The following SLCO5A1 variants were observed in gnomAD, a reference collection of about 807,000 sequenced individuals.
The protein encoded by SLCO5A1 is organic anion transporter polypeptide-related protein 4.
In SLCO5A1, 39 loss-of-function variants were observed where a neutral mutation model predicts 65.1. The ratio of observed to expected loss-of-function variants is 0.60; its 90% confidence interval spans 0.46 to 0.78. SLCO5A1 has a LOEUF of 0.78. SLCO5A1 is among the 30% of genes least tolerant of loss of function. The pLI is 0.00. For synonymous variants in SLCO5A1, 438 were observed against 415.7 expected (o/e 1.05, Z -0.65); for missense variants, 1,029 against 1,069.4 (o/e 0.96, Z 0.53).
intron 2 of SLCO5A1, among the ~76,000 whole-genome samples, chr8:69,830,344 G>C (rs1026070275): frequency 6.6e-6 from 1 of 152,076 alleles, no homozygotes; most frequent in Non-Finnish European, 1.5e-5. Flanking sequence ...AATATAGCTA[G>C]TATTTGCTTA....
In SLCO5A1 at chr8:69,673,078, C is replaced by T; in HGVS notation, c.2338G>A (p.Val780Met). The T allele has an allele frequency of 1.9e-6, 3 of 1,614,230 alleles. No individual in the cohort carries two copies. The highest frequency in any genetic ancestry group is 2.5e-6 in the Non-Finnish European group (3 of 1,180,026). ...TCGGGGTGTCCCACTCTCTCACTCA[C>T]GGTGCTCAGGGGAAATTCTCTCTGC... ...RRQREFPLST[V>M]SERVGHPDNA... The change falls in exon 10 of 10, where the codon GTG becomes ATG. Residue 780 changes from valine to methionine, a missense_variant. Val to Met is a conservative substitution (Grantham distance 21, BLOSUM62 1). This residue lies in a region of SLCO5A1 where 258 missense variants were observed against 237.4 expected (regional missense o/e 1.09). Transcript: ENST00000260126.
At chr8:69,822,930 A>G (rs1820709505) in intron 2 of SLCO5A1, among the ~76,000 whole-genome samples, 1 of 152,208 alleles carries the variant, frequency 6.6e-6, no homozygotes, top group Non-Finnish European at 1.5e-5. Context: ...AATTAGTGGG[A>G]CACACTAGGG....
chr8:69,685,068 T>A (rs1813946943), intron 6 of SLCO5A1, among the ~76,000 whole-genome samples: 1 of 152,152 alleles, frequency 6.6e-6, no homozygotes, highest in African/African-American at 2.4e-5. Flanking sequence ...ATAAATGCTA[T>A]GAAATGAAAG....
At chr8:69,782,630 T>C (rs1818844686) in intron 2 of SLCO5A1, among the ~76,000 whole-genome samples, 2 of 139,818 alleles carry the variant, frequency 1.4e-5, no homozygotes, top group South Asian at 4.8e-4. Flanking sequence ...TATCTGACAA[T>C]AAGAAAGAGA....
intron 6 of SLCO5A1, among the ~76,000 whole-genome samples, chr8:69,684,287 G>T (rs531893912): frequency 6.6e-6 from 1 of 152,292 alleles, no homozygotes; most frequent in Non-Finnish European, 1.5e-5. Context: ...TCTCACAACT[G>T]AGGGGGTGCT....
intron 5 of SLCO5A1, among the ~76,000 whole-genome samples, chr8:69,726,640 C>T (rs905394540): frequency 6.6e-6 from 1 of 152,006 alleles, no homozygotes; most frequent in South Asian, 2.1e-4. Flanking sequence ...GCTGGGATTA[C>T]AGGCGTGTGC....
intron 5 of SLCO5A1, among the ~76,000 whole-genome samples, chr8:69,711,016 C>A (rs1488957663): frequency 6.6e-6 from 1 of 152,154 alleles, no homozygotes; most frequent in African/African-American, 2.4e-5. Context: ...CATACTGTCC[C>A]CCCCACTCAA....
At chr8:69,819,642 G>T (rs1028901883) in intron 2 of SLCO5A1, among the ~76,000 whole-genome samples, 5 of 152,158 alleles carry the variant, frequency 3.3e-5, no homozygotes, top group Admixed American at 3.3e-4. Context: ...AGAGTGCTTA[G>T]AATAGTTGCT....
rs959496330 is a variant in SLCO5A1 at position 69,671,097 on chromosome 8, G to C, written c.*1772C>G. 1 of 152,238 alleles carries C rather than the reference G, an allele frequency of 6.6e-6. No individual in the cohort carries two copies. The highest frequency in any genetic ancestry group is 2.4e-5 in the African/African-American group (1 of 41,434). The allele number at this position is 152,238 out of a possible 1,614,324, so 9.4% of individuals were successfully genotyped here. A position where few individuals can be genotyped will look rare whatever the true frequency, so the allele number is the denominator to read the frequency against. On this transcript the variant is annotated 3_prime_UTR_variant, in exon 10 of 10. Transcript: ENST00000260126. ...CCGAGAGCCAAGCCCAGGAACCAGAGGGAAGTCCTTAGCCCCTGAGACCAC... is the reference window on the plus strand; with the variant it reads ...CCGAGAGCCAAGCCCAGGAACCAGACGGAAGTCCTTAGCCCCTGAGACCAC...
intron 5 of SLCO5A1, among the ~76,000 whole-genome samples, chr8:69,736,485 C>T (rs1816563998): frequency 6.6e-6 from 1 of 152,188 alleles, no homozygotes; most frequent in Admixed American, 6.5e-5. Flanking sequence ...GTGGGATGAT[C>T]TAGGCAGCTC....
intron 2 of SLCO5A1, among the ~76,000 whole-genome samples, chr8:69,827,251 A>T (rs911083274): frequency 6.6e-6 from 1 of 151,974 alleles, no homozygotes; most frequent in African/African-American, 2.4e-5. Flanking sequence ...TACATATGTA[A>T]CTAACCTGCA....
chr8:69,800,723 A>G (rs1409630294), intron 2 of SLCO5A1, among the ~76,000 whole-genome samples: 1 of 152,208 alleles, frequency 6.6e-6, no homozygotes, highest in Non-Finnish European at 1.5e-5. Flanking sequence ...ACAATTCATA[A>G]TCCATTCAAG....
chr8:69,769,568 T>A (rs1411274861), intron 2 of SLCO5A1, among the ~76,000 whole-genome samples: 1 of 152,252 alleles, frequency 6.6e-6, no homozygotes, highest in Non-Finnish European at 1.5e-5. Flanking sequence ...AATAATTACC[T>A]ATTAATTCTC....
chr8:69,699,473 G>C (rs1814632354), intron 6 of SLCO5A1, among the ~76,000 whole-genome samples: 1 of 152,108 alleles, frequency 6.6e-6, no homozygotes. Flanking sequence ...CTTGGGTTCT[G>C]ACACTGCAGC....
At chr8:69,717,996 G>A (rs553330814) in intron 5 of SLCO5A1, among the ~76,000 whole-genome samples, 10 of 152,220 alleles carry the variant, frequency 6.6e-5, no homozygotes, top group African/African-American at 1.9e-4. Context: ...TTGTACAGTA[G>A]ATCTTTTGAA....
chr8:69,774,028 C>T (rs1218095676), intron 2 of SLCO5A1, among the ~76,000 whole-genome samples: 1 of 152,232 alleles, frequency 6.6e-6, no homozygotes, highest in African/African-American at 2.4e-5. Context: ...TCATTATCTG[C>T]CTCTCCCACT....
chr8:69,774,043 T>C (rs972997850), intron 2 of SLCO5A1, among the ~76,000 whole-genome samples: 1 of 152,238 alleles, frequency 6.6e-6, no homozygotes, highest in Non-Finnish European at 1.5e-5. Flanking sequence ...CCCACTGGAA[T>C]GTCAGCTCAA....
intron 4 of SLCO5A1, among the ~76,000 whole-genome samples, chr8:69,741,244 T>C (rs751218744): frequency 2.6e-5 from 4 of 152,224 alleles, no homozygotes; most frequent in Admixed American, 1.3e-4. Context: ...AAAATACTCA[T>C]GTTAGATAAG....
At chr8:69,781,185 A>G (rs1051300656) in intron 2 of SLCO5A1, among the ~76,000 whole-genome samples, 7 of 152,210 alleles carry the variant, frequency 4.6e-5, no homozygotes, top group Admixed American at 1.3e-4. Context: ...TGTGTGACAC[A>G]CTGTACTTTC....
Sources: allele counts gnomAD v4.1 joint callset (sites outside exome capture counted in the v4.1 genomes callset), GRCh38; gene constraint gnomAD v4.1.1; regional missense constraint gnomAD v4.1.1; transcripts MANE v1.5; gene names NCBI Gene and HGNC (gene_info 2026-07-23, HGNC 2026-07-21).